The following GPC6 variants were observed in gnomAD, a reference collection of about 807,000 sequenced individuals.
The protein encoded by GPC6 is glypican 6, also known as glypican-6.
A neutral mutation model predicts 55.2 loss-of-function variants in GPC6; 14 were observed. The observed-to-expected ratio is 0.25, with a 90% CI of 0.17 to 0.40. The LOEUF (loss-of-function observed/expected upper bound fraction) is 0.40. GPC6 is among the 10% of genes least tolerant of loss of function. The probability of loss-of-function intolerance (pLI) is 1.00; values close to 1 mark genes in which losing one functional copy is unlikely to be tolerated. For missense variants in GPC6, 641 were observed against 708.5 expected, an observed-to-expected ratio of 0.90 and a Z score of 1.08; for synonymous variants, 278 against 259.6, an observed-to-expected ratio of 1.07 and a Z score of -0.68.
intron 1 of GPC6, among the ~76,000 whole-genome samples, chr13:93,435,942 AC>A (rs1361584309): frequency 2.6e-5 from 4 of 152,062 alleles, no homozygotes; most frequent in Admixed American, 2.0e-4. Context: ...GATAACACTT[AC>A]CCTTAGTGAT....
chr13:94,012,618 G>C (rs1463698610), intron 3 of GPC6, among the ~76,000 whole-genome samples: 3 of 152,184 alleles, frequency 2.0e-5, no homozygotes, highest in African/African-American at 4.8e-5. Context: ...GCATGTTCCT[G>C]TGTGTATAGG....
At chr13:93,436,629 C>T (rs1222534460) in intron 1 of GPC6, among the ~76,000 whole-genome samples, 2 of 152,026 alleles carry the variant, frequency 1.3e-5, no homozygotes, top group African/African-American at 2.4e-5. Context: ...TCCATGTATA[C>T]TTAGGGAATG....
At chr13:94,136,476 C>T (rs549610164) in intron 4 of GPC6, among the ~76,000 whole-genome samples, 29 of 152,014 alleles carry the variant, frequency 1.9e-4, no homozygotes, top group Non-Finnish European at 4.0e-4. Context: ...TTTGGGAGGC[C>T]GAGGCAGGCA....
chr13:93,374,972 G>T (rs1312792242), intron 1 of GPC6, among the ~76,000 whole-genome samples: 2 of 151,960 alleles, frequency 1.3e-5, no homozygotes, highest in Non-Finnish European at 1.5e-5. Context: ...TCCTGTTTTT[G>T]AGGAGTACCA....
At chr13:93,753,691 T>C (rs956830158) in intron 2 of GPC6, among the ~76,000 whole-genome samples, 11 of 152,136 alleles carry the variant, frequency 7.2e-5, no homozygotes, top group African/African-American at 2.2e-4. Flanking sequence ...CTTCCTATGT[T>C]TTTTGTGCCC....
chr13:94,062,140 T>G (rs1884352687), intron 4 of GPC6, among the ~76,000 whole-genome samples: 1 of 152,214 alleles, frequency 6.6e-6, no homozygotes, highest in Admixed American at 6.5e-5. Context: ...ATATTTTTTT[T>G]TCGTTTGTTT....
chr13:93,940,055 C>T (rs905755563), intron 3 of GPC6, among the ~76,000 whole-genome samples: 4 of 152,144 alleles, frequency 2.6e-5, no homozygotes, highest in South Asian at 2.1e-4. Flanking sequence ...AGTCTTTAAT[C>T]CTTATTCTGA....
chr13:93,466,723 A>G (rs1290395538), intron 1 of GPC6, among the ~76,000 whole-genome samples: 2 of 152,182 alleles, frequency 1.3e-5, no homozygotes, highest in Non-Finnish European at 2.9e-5. Context: ...TGGCATGTGT[A>G]TGGAAGAGTC....
chr13:93,996,368 T>C (rs1049963023), intron 3 of GPC6, among the ~76,000 whole-genome samples: 11 of 152,240 alleles, frequency 7.2e-5, no homozygotes, highest in Admixed American at 3.3e-4. Flanking sequence ...GCAGAAAATA[T>C]CATTCCTTTA....
At chr13:94,377,206 T>C (rs929997455) in intron 6 of GPC6, among the ~76,000 whole-genome samples, 25 of 151,798 alleles carry the variant, frequency 1.6e-4, no homozygotes, top group African/African-American at 6.1e-4. Flanking sequence ...AAATGGGATC[T>C]AATTAAAGAG....
chr13:93,907,512 T>C (rs1034644239), intron 3 of GPC6, among the ~76,000 whole-genome samples: 1 of 152,158 alleles, frequency 6.6e-6, no homozygotes, highest in Non-Finnish European at 1.5e-5. Context: ...TTGTGACCGA[T>C]TGTTTTTAAT....
intron 3 of GPC6, among the ~76,000 whole-genome samples, chr13:93,897,871 A>G (rs1876104170): frequency 6.6e-6 from 1 of 152,144 alleles, no homozygotes; most frequent in Non-Finnish European, 1.5e-5. Flanking sequence ...TAATGTATTT[A>G]TTAGTTCACA....
chr13:93,726,375 A>G (rs1268163266), intron 2 of GPC6, among the ~76,000 whole-genome samples: 1 of 152,032 alleles, frequency 6.6e-6, no homozygotes, highest in Non-Finnish European at 1.5e-5. Context: ...ACCTTGTTTG[A>G]AACTCCCTGG....
chr13:93,428,876 A>T (rs1566352168), intron 1 of GPC6, among the ~76,000 whole-genome samples: 2 of 152,180 alleles, frequency 1.3e-5, no homozygotes, highest in South Asian at 4.1e-4. Flanking sequence ...CCATTTTGGA[A>T]ATCACACATT....
chr13:93,959,319 C>T (rs1879660970), intron 3 of GPC6, among the ~76,000 whole-genome samples: 1 of 152,052 alleles, frequency 6.6e-6, no homozygotes, highest in African/African-American at 2.4e-5. Context: ...TGCGCCACCA[C>T]ACCCGGCTAA....
At chr13:94,179,639 T>C (rs964737873) in intron 4 of GPC6, among the ~76,000 whole-genome samples, 28 of 152,208 alleles carry the variant, frequency 1.8e-4, no homozygotes, top group African/African-American at 5.5e-4. Context: ...AAATGGAAAG[T>C]GAATTTAACT....
rs916016699 is a variant in GPC6, at chr13:93,554,157, A to AAG, written c.319+8749_319+8750dup. ...AGTGAGACTCTGTCAAAAAAAAAAA[A>AAG]AGAGAGAGAGAGAGCTGACTTGAAC... On this transcript the variant is annotated intron_variant, in intron 2 of 8. Transcript: ENST00000377047. 1.4e-4 allele frequency among the ~76,000 whole-genome samples: 21 copies of AAG among 151,104 alleles called. 1 individual carries two copies. The highest frequency in any genetic ancestry group is 7.8e-4 in the East Asian group (4 of 5,136).
rs374639682 is a variant in GPC6 at position 93,912,661 on chromosome 13, T to C, written c.711+82116T>C. Among the ~76,000 whole-genome samples, 34 of 152,256 alleles carry C rather than the reference T, an allele frequency of 2.2e-4. No individual in the cohort carries two copies. In the East Asian group the frequency reaches 6.4e-3, roughly 29 times the overall value. On this transcript the variant is annotated intron_variant, in intron 3 of 8. Transcript: ENST00000377047. ...GGGAGGCTGAGGCAGGAGAATGGCG[T>C]GAACCCAGGAGGCAGAGCTTGCAGT...
chr13:93,777,679 G>T (rs1885513884), intron 2 of GPC6, among the ~76,000 whole-genome samples: 1 of 152,108 alleles, frequency 6.6e-6, no homozygotes, highest in Non-Finnish European at 1.5e-5. Context: ...ACATTTAATT[G>T]CTGTCCTGAG....
Sources: allele counts gnomAD v4.1 joint callset (sites outside exome capture counted in the v4.1 genomes callset), GRCh38; gene constraint gnomAD v4.1.1; transcripts MANE v1.5; gene names NCBI Gene and HGNC (gene_info 2026-07-23, HGNC 2026-07-21).